CDK14: variants seen among roughly 807,000 people sequenced by gnomAD.
CDK14 encodes the protein cyclin-dependent kinase 14.
A neutral mutation model predicts 60.7 loss-of-function variants in CDK14; 34 were observed. The ratio of observed to expected loss-of-function variants is 0.56; its 90% CI spans 0.43 to 0.75. CDK14 has a LOEUF of 0.75. CDK14 is among the 30% of genes least tolerant of loss of function. The probability of loss-of-function intolerance (pLI) is 0.00; values close to 1 mark genes in which losing one functional copy is unlikely to be tolerated. For missense variants in CDK14, 482 were observed against 564.1 expected (o/e 0.85, Z 1.47); for synonymous variants, 197 against 203.7 (o/e 0.97, Z 0.28).
chr7:90,724,279 G>T (rs1192308793), intron 2 of CDK14, among the ~76,000 whole-genome samples: 1 of 151,566 alleles, frequency 6.6e-6, no homozygotes, highest in Non-Finnish European at 1.5e-5. Context: ...TCCCATTCCT[G>T]ATAGTAATAT....
At chr7:90,696,220 A>G (rs1801652535) in intron 2 of CDK14, among the ~76,000 whole-genome samples, 1 of 152,058 alleles carries the variant, frequency 6.6e-6, no homozygotes, top group Non-Finnish European at 1.5e-5. Context: ...TTCACTAGAG[A>G]AATTTGAGTG....
chr7:90,613,568 T>G (rs930751913), intron 2 of CDK14, among the ~76,000 whole-genome samples: 4 of 151,866 alleles, frequency 2.6e-5, no homozygotes, highest in Middle Eastern at 6.8e-3. Flanking sequence ...GTGCCCGTAA[T>G]CCCAGCTACT....
chr7:90,905,068 A>G (rs574157357), intron 7 of CDK14, among the ~76,000 whole-genome samples: 48 of 152,242 alleles, frequency 3.2e-4, no homozygotes, highest in African/African-American at 1.2e-3. Context: ...CTCCACTAAT[A>G]CTCAAGGAAT....
At chr7:90,846,249 T>C (rs77740187) in intron 5 of CDK14, among the ~76,000 whole-genome samples, 2,086 of 152,274 alleles carry the variant, frequency 0.014, 65 homozygotes, top group African/African-American at 0.048. Flanking sequence ...ACCTGTACTA[T>C]AAGGTTCCAC....
At chr7:90,957,213 A>T (rs373313382) in intron 9 of CDK14, among the ~76,000 whole-genome samples, 12 of 151,678 alleles carry the variant, frequency 7.9e-5, no homozygotes, top group Admixed American at 3.9e-4. Context: ...ATGGTTGAAC[A>T]AGTTTACAGT....
At chr7:90,754,666 AC>A (rs1562754277) in intron 4 of CDK14, among the ~76,000 whole-genome samples, 1 of 152,234 alleles carries the variant, frequency 6.6e-6, no homozygotes, top group Admixed American at 6.5e-5. Context: ...AGCAAAATAA[AC>A]TATCAACAGA....
At chr7:90,862,167 A>G (rs1276910858) in intron 5 of CDK14, among the ~76,000 whole-genome samples, 3 of 152,232 alleles carry the variant, frequency 2.0e-5, no homozygotes, top group Non-Finnish European at 4.4e-5. Context: ...AATCAGATTA[A>G]AATGGCAGGT....
intron 5 of CDK14, among the ~76,000 whole-genome samples, chr7:90,816,996 A>G (rs573959321): frequency 6.6e-5 from 10 of 152,282 alleles, no homozygotes; most frequent in African/African-American, 2.2e-4. Context: ...GCAGTGAATC[A>G]CTTAGTTAAA....
intron 4 of CDK14, among the ~76,000 whole-genome samples, chr7:90,760,228 TA>T (rs1584865412): frequency 6.6e-6 from 1 of 152,164 alleles, no homozygotes; most frequent in East Asian, 1.9e-4. Context: ...TGCTATTAAT[TA>T]AAACAAGCAG....
chr7:91,077,775 C>CAT (rs1798367852), intron 11 of CDK14, among the ~76,000 whole-genome samples: 2 of 148,942 alleles, frequency 1.3e-5, no homozygotes, highest in African/African-American at 5.0e-5. Flanking sequence ...CACACACACA[C>CAT]GGGCAAACTT....
At chr7:91,009,085 C>T (rs1236874688) in intron 10 of CDK14, among the ~76,000 whole-genome samples, 1 of 152,004 alleles carries the variant, frequency 6.6e-6, no homozygotes, top group Non-Finnish European at 1.5e-5. Flanking sequence ...TTTGCATTTT[C>T]TTAAATTTTG....
intron 10 of CDK14, among the ~76,000 whole-genome samples, chr7:90,995,053 C>T (rs1284709011): frequency 6.6e-6 from 1 of 152,160 alleles, no homozygotes; most frequent in Non-Finnish European, 1.5e-5. Flanking sequence ...GGCGTTTATG[C>T]CCTTGTGTAA....
chr7:90,855,982 T>C (rs547657004), intron 5 of CDK14, among the ~76,000 whole-genome samples: 1 of 152,268 alleles, frequency 6.6e-6, no homozygotes, highest in Admixed American at 6.5e-5. Flanking sequence ...GTTAGGGAAA[T>C]TAGAGAGAAG....
intron 3 of CDK14, among the ~76,000 whole-genome samples, chr7:90,730,860 A>G (rs1802832999): frequency 6.6e-6 from 1 of 152,186 alleles, no homozygotes; most frequent in South Asian, 2.1e-4. Flanking sequence ...TCGTTTAATT[A>G]GATCCCATTT....
chr7:90,770,754 G>T (rs1002462920), intron 4 of CDK14, among the ~76,000 whole-genome samples: 1 of 152,160 alleles, frequency 6.6e-6, no homozygotes, highest in Admixed American at 6.5e-5. Flanking sequence ...TAAGTGACTT[G>T]TGTCTCCTTT....
At chr7:91,051,731 G>A (rs1161202360) in intron 11 of CDK14, among the ~76,000 whole-genome samples, 1 of 152,166 alleles carries the variant, frequency 6.6e-6, no homozygotes, top group African/African-American at 2.4e-5. Flanking sequence ...TTCACTAACA[G>A]GAGGCTTTTG....
At chr7:90,685,302 T>C (rs985303942) in intron 2 of CDK14, among the ~76,000 whole-genome samples, 10 of 152,120 alleles carry the variant, frequency 6.6e-5, no homozygotes, top group Non-Finnish European at 1.5e-4. Flanking sequence ...TGTATCTCAA[T>C]GATGATATTA....
chr7:90,882,207 A>G (rs1039599637), intron 6 of CDK14, among the ~76,000 whole-genome samples: 1 of 151,414 alleles, frequency 6.6e-6, no homozygotes, highest in Non-Finnish European at 1.5e-5. Context: ...ATGTGCAAAG[A>G]CACACATAGA....
chr7:90,964,800 A>C (rs1794705882), intron 9 of CDK14, among the ~76,000 whole-genome samples: 1 of 152,156 alleles, frequency 6.6e-6, no homozygotes, highest in South Asian at 2.1e-4. Flanking sequence ...TTTAGAATCT[A>C]TATCACGTCT....
Sources: allele counts gnomAD v4.1 joint callset (sites outside exome capture counted in the v4.1 genomes callset), GRCh38; gene constraint gnomAD v4.1.1; transcripts MANE v1.5; gene names NCBI Gene and HGNC (gene_info 2026-07-23, HGNC 2026-07-21).